LNX1: variants seen among roughly 807,000 people sequenced by gnomAD.
LNX1 encodes E3 ubiquitin-protein ligase LNX.
In LNX1, 54 loss-of-function variants were observed where a neutral mutation model predicts 68.4. The observed-to-expected ratio is 0.79, with a 90% CI of 0.63 to 0.99. The LOEUF (loss-of-function observed/expected upper bound fraction) is 0.99, where lower values mean the gene tolerates loss of function less well. Among genes scored for constraint, LNX1 ranks in the 50% least tolerant of loss-of-function variants. The probability of loss-of-function intolerance (pLI) is 0.00; values close to 1 mark genes in which losing one functional copy is unlikely to be tolerated. For synonymous variants in LNX1, 336 were observed against 350.0 expected (o/e 0.96, Z 0.45); for missense variants, 906 against 926.4 (o/e 0.98, Z 0.29).
intron 2 of LNX1, among the ~76,000 whole-genome samples, chr4:53,533,368 A>G (rs1450792380): frequency 1.3e-5 from 2 of 152,168 alleles, no homozygotes; most frequent in Non-Finnish European, 2.9e-5. Context: ...AATCAGGGGC[A>G]ATTTTATCCC....
intron 2 of LNX1, among the ~76,000 whole-genome samples, chr4:53,541,147 G>A (rs55973551): frequency 0.8 from 115,552 of 143,962 alleles, 46,358 homozygotes; most frequent in Admixed American, 0.86. Flanking sequence ...AAAAAAAAAA[G>A]AAAAAAAAAA....
At chr4:53,473,293 A>C (rs1277807434) in intron 9 of LNX1, among the ~76,000 whole-genome samples, 1 of 152,210 alleles carries the variant, frequency 6.6e-6, no homozygotes, top group Non-Finnish European at 1.5e-5. Context: ...AAGTGGCTGC[A>C]AAGGAACAGA....
In LNX1 at chr4:53,460,455, A is replaced by G. The variant is rs1388917128; in HGVS notation, c.*452T>C. On this transcript the variant is annotated 3_prime_UTR_variant, in exon 11 of 11. Coordinates refer to ENST00000263925, the MANE Select transcript of LNX1 (RefSeq NM_001126328.3). ...TAGTATCACATACTAAAAGACAACT[A>G]TAACTTCTGAAAAATATTTATTCTT... The G allele has an allele frequency of 1.0e-5, 2 of 192,734 alleles. No individual in the cohort carries two copies. Among genetic ancestry groups the G allele is most frequent in the Non-Finnish European group, 2.2e-5 (2 of 92,808 alleles). 11.9% of individuals were successfully genotyped at this position (192,734 alleles called of 1,614,324 possible). A position where few individuals can be genotyped will look rare whatever the true frequency, so the allele number is the denominator to read the frequency against.
intron 4 of LNX1, 78 bp downstream of exon 4, chr4:53,507,239 T>C: frequency 6.8e-7 from 1 of 1,463,228 alleles, no homozygotes; most frequent in East Asian, 2.3e-5. Flanking sequence ...AGGTGGAAGG[T>C]GATCAGATTG....
At chr4:53,489,969 A>G (rs1434842678) in intron 6 of LNX1, among the ~76,000 whole-genome samples, 4 of 152,156 alleles carry the variant, frequency 2.6e-5, no homozygotes, top group Non-Finnish European at 5.9e-5. Context: ...GAATGTTTAC[A>G]GTACCACAAA....
At chr4:53,570,766 G>T (rs996597065) in intron 2 of LNX1, among the ~76,000 whole-genome samples, 2 of 151,428 alleles carry the variant, frequency 1.3e-5, no homozygotes, top group Middle Eastern at 3.2e-3. Flanking sequence ...GGTGGCTCAC[G>T]CCTGTAATCC....
intron 2 of LNX1, among the ~76,000 whole-genome samples, chr4:53,572,936 T>C (rs767620997): frequency 1.3e-5 from 2 of 152,224 alleles, no homozygotes; most frequent in Non-Finnish European, 2.9e-5. Flanking sequence ...TGAAGGACAG[T>C]TGTGCCTTGT....
intron 2 of LNX1, among the ~76,000 whole-genome samples, chr4:53,613,168 C>T (rs542098347): frequency 1.3e-5 from 2 of 150,240 alleles, no homozygotes; most frequent in Non-Finnish European, 3.0e-5. Flanking sequence ...AGCACCAAGC[C>T]AAAAAAGGAA....
chr4:53,502,296 A>T (rs972870472), intron 4 of LNX1, among the ~76,000 whole-genome samples: 2 of 128,724 alleles, frequency 1.6e-5, no homozygotes, highest in African/African-American at 5.1e-5. Flanking sequence ...TAGTACAGGC[A>T]TACCTCTGAG....
At chr4:53,625,007 T>C (rs1001412292) in intron 1 of LNX1, among the ~76,000 whole-genome samples, 6 of 152,208 alleles carry the variant, frequency 3.9e-5, no homozygotes, top group Non-Finnish European at 8.8e-5. Flanking sequence ...TTCAATTGTT[T>C]TAAAAAGATT....
chr4:53,579,792 A>G (rs1731720627), intron 1 of LNX1, among the ~76,000 whole-genome samples: 1 of 152,196 alleles, frequency 6.6e-6, no homozygotes, highest in Non-Finnish European at 1.5e-5. Flanking sequence ...AATGGTTATC[A>G]GATGTAGTTG....
chr4:53,564,668 G>C (rs1321260027), intron 2 of LNX1, among the ~76,000 whole-genome samples: 2 of 151,978 alleles, frequency 1.3e-5, no homozygotes, highest in East Asian at 3.9e-4. Flanking sequence ...GAACAGCTCT[G>C]GTCTACAGCT....
chr4:53,512,914 C>T (rs1726460853), intron 2 of LNX1, among the ~76,000 whole-genome samples: 1 of 152,042 alleles, frequency 6.6e-6, no homozygotes, highest in South Asian at 2.1e-4. Flanking sequence ...ATGGGCTCTC[C>T]CTGAGCACTC....
intron 1 of LNX1, among the ~76,000 whole-genome samples, chr4:53,651,463 T>C (rs1370038230): frequency 1.3e-5 from 2 of 152,236 alleles, no homozygotes; most frequent in Non-Finnish European, 2.9e-5. Context: ...AGGTGGTATA[T>C]TGTACAGGAT....
At chr4:53,575,402 G>A (rs769462121) in intron 1 of LNX1, 19 of 633,282 alleles carry the variant, frequency 3.0e-5, no homozygotes, top group East Asian at 1.4e-4. Context: ...AGTCTCTTGC[G>A]TAGAAAGTCA....
chr4:53,636,127 A>G (rs1734464332), intron 1 of LNX1, among the ~76,000 whole-genome samples: 1 of 150,422 alleles, frequency 6.6e-6, no homozygotes, highest in Non-Finnish European at 1.5e-5. Context: ...CAATGCCTGC[A>G]ATTCAGAGTG....
chr4:53,478,255 T>C (rs1723691170), intron 8 of LNX1, among the ~76,000 whole-genome samples: 1 of 152,136 alleles, frequency 6.6e-6, no homozygotes, highest in African/African-American at 2.4e-5. Flanking sequence ...AAAGAACCAC[T>C]TAGAATGAAT....
intron 2 of LNX1, among the ~76,000 whole-genome samples, chr4:53,541,867 G>A (rs151183105): frequency 6.6e-6 from 1 of 152,300 alleles, no homozygotes; most frequent in African/African-American, 2.4e-5. Context: ...TTTGTAATAA[G>A]TGAAATTTGG....
intron 7 of LNX1, 59 bp downstream of exon 7, chr4:53,481,661 G>A: frequency 6.4e-7 from 1 of 1,562,162 alleles, no homozygotes; most frequent in Non-Finnish European, 8.7e-7. Context: ...GTTAAAACAA[G>A]CAGCCTTCCC....
Sources: gnomAD v4.1 joint callset for allele counts (sites outside exome capture counted in the v4.1 genomes callset) on GRCh38, gnomAD v4.1.1 for gene constraint, MANE v1.5 for transcripts, NCBI Gene and HGNC (gene_info 2026-07-23, HGNC 2026-07-21) for gene names.